The following TAF6L variants were observed in gnomAD, a reference collection of about 807,000 sequenced individuals.
The protein encoded by TAF6L is TATA-box binding protein associated factor 6 like, also known as TAF6-like RNA polymerase II p300/CBP-associated factor-associated factor 65 kDa subunit 6L.
A neutral mutation model predicts 57.3 loss-of-function variants in TAF6L; 34 were observed. The observed-to-expected ratio is 0.59, with a 90% confidence interval of 0.45 to 0.79. The LOEUF is 0.79. Ranked by LOEUF, TAF6L falls within the 30% of genes least tolerant of loss-of-function variation. The probability of loss-of-function intolerance (pLI) is 0.00; values close to 1 mark genes in which losing one functional copy is unlikely to be tolerated. For synonymous variants in TAF6L, 417 were observed against 376.3 expected, an observed-to-expected ratio of 1.11 and a Z score of -1.25; for missense variants, 782 against 853.2, an observed-to-expected ratio of 0.92 and a Z score of 1.04.
intron 10 of TAF6L, 56 bp downstream of exon 10, chr11:62,786,444 G>A: frequency 6.3e-7 from 1 of 1,597,776 alleles, no homozygotes; most frequent in Non-Finnish European, 8.6e-7. Flanking sequence ...CAGCCAAGCA[G>A]GCTTACTTTG....
intron 6 of TAF6L, among the ~76,000 whole-genome samples, chr11:62,781,437 G>A (rs2084228756): frequency 6.6e-6 from 1 of 152,086 alleles, no homozygotes; most frequent in Non-Finnish European, 1.5e-5. Flanking sequence ...ACTTTGGGAG[G>A]CTGAGGTGGG....
intron 2 of TAF6L, 114 bp from the exon 3 acceptor site, chr11:62,776,270 C>G: frequency 9.6e-7 from 1 of 1,039,280 alleles, no homozygotes; most frequent in Non-Finnish European, 1.5e-6. Flanking sequence ...GGCTTCTGAT[C>G]CCTAAGCGTG....
intron 1 of TAF6L, among the ~76,000 whole-genome samples, chr11:62,772,290 G>A (rs1482298674): frequency 6.6e-6 from 1 of 152,098 alleles, no homozygotes; most frequent in East Asian, 1.9e-4. Context: ...GGGAGGCCGA[G>A]GCACCTGGAT....
chr11:62,782,393 A>G, intron 8 of TAF6L, 60 bp downstream of exon 8: 5 of 1,555,520 alleles, frequency 3.2e-6, no homozygotes, highest in Non-Finnish European at 4.4e-6. Flanking sequence ...GGTTGGGGTA[A>G]GGAAATGGGG....
intron 5 of TAF6L, chr11:62,778,557 CAG>C (rs2084204008): frequency 4.7e-6 from 3 of 637,082 alleles, no homozygotes; most frequent in African/African-American, 3.7e-5. Context: ...GATGCTAAGA[CAG>C]AAGTCTGGGC....
At chr11:62,772,268 T>C (rs2134693873) in intron 1 of TAF6L, 2 of 385,266 alleles carry the variant, frequency 5.2e-6, no homozygotes, top group African/African-American at 2.1e-5. Context: ...ACGCCTGTAA[T>C]CCTAGCACTT....
chr11:62,773,633 G>A (rs550387775), intron 1 of TAF6L, among the ~76,000 whole-genome samples: 1 of 151,916 alleles, frequency 6.6e-6, no homozygotes, highest in African/African-American at 2.4e-5. Flanking sequence ...TTGTAGTAGA[G>A]ATGGGGGTTT....
At chr11:62,784,184 T>C (rs2084252754) in intron 9 of TAF6L, among the ~76,000 whole-genome samples, 1 of 148,806 alleles carries the variant, frequency 6.7e-6, no homozygotes, top group Admixed American at 6.7e-5. Context: ...GAGACGGGGT[T>C]TCACAATGTT....
intron 5 of TAF6L, 62 bp downstream of exon 5, chr11:62,778,397 G>A: frequency 6.3e-7 from 1 of 1,592,854 alleles, no homozygotes. Flanking sequence ...TTCTGAGGGT[G>A]GTGCCTATGT....
At position 62,781,929 on chromosome 11, in the gene TAF6L, T is replaced by G. The variant is rs575563368; in HGVS notation, c.567T>G (p.Ile189Met). 4 of 1,614,136 alleles carry G rather than the reference T, an allele frequency of 2.5e-6. No individual in the cohort carries two copies. In the South Asian group the frequency reaches 4.4e-5, roughly 18 times the overall value. Residue 189 changes from isoleucine to methionine, a missense_variant, in exon 7 of 11, where the codon ATT becomes ATG. Ile to Met is a conservative substitution (Grantham distance 10). Transcript: ENST00000294168. Reference protein sequence around the residue: ...ALQDLQTNSKIGALLPYFVYV... With the variant: ...ALQDLQTNSKMGALLPYFVYV... ...AGGACTTGCAGACGAACTCCAAGAT[T>G]GGGGCACTCCTGCCTTACTTTGTTT...
chr11:62,784,234 C>T (rs1381303199), intron 9 of TAF6L, among the ~76,000 whole-genome samples: 4 of 150,038 alleles, frequency 2.7e-5, no homozygotes, highest in Admixed American at 2.0e-4. Flanking sequence ...GTGTTCCGCC[C>T]GCCTCGGCTT....
chr11:62,787,071 G>A lies in TAF6L; in HGVS notation c.1644G>A (p.Gln548=). The A allele has an allele frequency of 6.5e-7, 1 of 1,530,644 alleles. No homozygotes were observed. The highest frequency in any genetic ancestry group is 8.7e-7 in the Non-Finnish European group (1 of 1,145,670). The allele number at this position is 1,530,644 out of a possible 1,614,324, so 94.8% of individuals were successfully genotyped here. The change falls in exon 11 of 11, where the codon CAG becomes CAA. Residue 548 remains glutamine, a synonymous_variant. Transcript: ENST00000294168. ...GPGTGTRDVF[Q]KSRFAPRGAP... is the part of the protein sequence containing the mutation. Reference sequence around the variant, plus strand: ...GGACCGGCACCCGCGACGTTTTCCAGAAGAGCCGTTTCGCCCCGCGCGGCG... The same window carrying A: ...GGACCGGCACCCGCGACGTTTTCCAAAAGAGCCGTTTCGCCCCGCGCGGCG...
Position 62,778,986 on chromosome 11 carries a change from G to C in TAF6L, c.531+23G>C, listed in dbSNP as rs557550642. The C allele has an allele frequency of 3.7e-6, 6 of 1,603,440 alleles. No homozygotes were observed. In the African/African-American group the frequency reaches 5.4e-5, roughly 14 times the overall value. On this transcript the variant is annotated intron_variant, in intron 6 of 10. Transcript: ENST00000294168. ...AAGGTGAGCGAGTGGGCCCAAGTTG[G>C]GGCACAAAGTTGAAATTGTAAATTC...
intron 9 of TAF6L, among the ~76,000 whole-genome samples, chr11:62,785,316 C>A (rs759149733): frequency 6.6e-6 from 1 of 151,846 alleles, no homozygotes; most frequent in African/African-American, 2.4e-5. Context: ...TTCAGCCTCC[C>A]GAGTAGCTGG....
At chr11:62,786,065 C>A in intron 9 of TAF6L, 195 bp from the exon 10 acceptor site, 1 of 634,572 alleles carries the variant, frequency 1.6e-6, no homozygotes, top group East Asian at 2.7e-5. Flanking sequence ...TGTACCTTAT[C>A]TTTATTCCCA....
chr11:62,776,011 C>G (rs2084185483), intron 2 of TAF6L, 81 bp downstream of exon 2: 2 of 1,480,054 alleles, frequency 1.4e-6, no homozygotes, highest in Admixed American at 2.2e-5. Flanking sequence ...CTGATTTATT[C>G]AAGTGTACAC....
chr11:62,782,883 T>G, intron 9 of TAF6L, 58 bp downstream of exon 9: 1 of 1,598,286 alleles, frequency 6.3e-7, no homozygotes, highest in Non-Finnish European at 8.6e-7. Context: ...GTTAGAAAAA[T>G]AGTACTTGTG....
At chr11:62,773,682 A>AATCAAGGCG (rs2084165963) in intron 1 of TAF6L, among the ~76,000 whole-genome samples, 2 of 151,610 alleles carry the variant, frequency 1.3e-5, no homozygotes, top group African/African-American at 4.9e-5. Context: ...TCCTGACCTC[A>AATCAAGGCG]GGTGATTCGC....
chr11:62,779,287 T>C (rs977159485), intron 6 of TAF6L, among the ~76,000 whole-genome samples: 3 of 152,102 alleles, frequency 2.0e-5, no homozygotes, highest in African/African-American at 7.2e-5. Flanking sequence ...CTCCGTCTCC[T>C]GGGTTCATGC....
Sources: gnomAD v4.1 joint callset for allele counts (sites outside exome capture counted in the v4.1 genomes callset) on GRCh38, gnomAD v4.1.1 for gene constraint, MANE v1.5 for transcripts, NCBI Gene and HGNC (gene_info 2026-07-23, HGNC 2026-07-21) for gene names.